The following CDK6 variants were observed in gnomAD, a reference collection of about 807,000 sequenced individuals.
CDK6 encodes the protein cyclin-dependent kinase 6.
A neutral mutation model predicts 37.1 loss-of-function variants in CDK6; 6 were observed. The observed-to-expected ratio is 0.16, with a 90% CI of 0.09 to 0.32. The LOEUF is 0.32. Among genes scored for constraint, CDK6 ranks in the 10% least tolerant of loss-of-function variants. The pLI is 1.00. For synonymous variants in CDK6, 160 were observed against 161.3 expected (o/e 0.99, Z 0.06); for missense variants, 224 against 418.9 (o/e 0.53, Z 4.06).
intron 5 of CDK6, among the ~76,000 whole-genome samples, chr7:92,661,722 T>C (rs555258594): frequency 9.9e-5 from 15 of 151,708 alleles, no homozygotes; most frequent in Non-Finnish European, 2.1e-4. Flanking sequence ...GGTGGCAGAG[T>C]TGGAAGAGCT....
intron 2 of CDK6, among the ~76,000 whole-genome samples, chr7:92,777,070 A>C (rs115672149): frequency 0.017 from 2,535 of 152,130 alleles, 81 homozygotes; most frequent in African/African-American, 0.059. Flanking sequence ...AGCTTGAATT[A>C]CTTTTTGTAT....
chr7:92,796,557 G>A (rs550485435), intron 2 of CDK6, among the ~76,000 whole-genome samples: 19 of 152,044 alleles, frequency 1.2e-4, no homozygotes, highest in African/African-American at 4.1e-4. Flanking sequence ...AAGATATACA[G>A]TCTATTTCCC....
chr7:92,824,769 T>C (rs1801268904), intron 2 of CDK6, among the ~76,000 whole-genome samples: 1 of 152,154 alleles, frequency 6.6e-6, no homozygotes, highest in African/African-American at 2.4e-5. Flanking sequence ...TAATACCTTA[T>C]ATTTGTATAA....
intron 3 of CDK6, among the ~76,000 whole-genome samples, chr7:92,761,918 T>C (rs1799465564): frequency 6.6e-6 from 1 of 152,252 alleles, no homozygotes; most frequent in African/African-American, 2.4e-5. Context: ...GTGTTTTTAT[T>C]AGGATTTTGC....
intron 3 of CDK6, among the ~76,000 whole-genome samples, chr7:92,747,574 C>T (rs1799089674): frequency 6.6e-6 from 1 of 152,194 alleles, no homozygotes; most frequent in Non-Finnish European, 1.5e-5. Flanking sequence ...AAATCTCTGG[C>T]TTCTGCTGGC....
chr7:92,711,434 C>T (rs576884122), intron 4 of CDK6, among the ~76,000 whole-genome samples: 11 of 151,082 alleles, frequency 7.3e-5, no homozygotes, highest in South Asian at 6.3e-4. Context: ...GGGTTGTATA[C>T]AAGTAGCAAA....
At chr7:92,684,917 A>G (rs1248036221) in intron 4 of CDK6, among the ~76,000 whole-genome samples, 9 of 152,180 alleles carry the variant, frequency 5.9e-5, no homozygotes, top group African/African-American at 2.2e-4. Flanking sequence ...GTGCAATTGT[A>G]TGGACTCGAC....
intron 4 of CDK6, among the ~76,000 whole-genome samples, chr7:92,721,501 A>C (rs1251672311): frequency 2.0e-5 from 3 of 152,160 alleles, no homozygotes; most frequent in Admixed American, 2.0e-4. Context: ...TACCATCCAC[A>C]TCTTAATTCT....
chr7:92,663,598 G>A (rs531617090), intron 5 of CDK6, among the ~76,000 whole-genome samples: 88 of 152,024 alleles, frequency 5.8e-4, no homozygotes, highest in African/African-American at 2.0e-3. Context: ...CTACTCAGGA[G>A]GCTGAGGCAG....
intron 2 of CDK6, among the ~76,000 whole-genome samples, chr7:92,823,170 G>A (rs1275373227): frequency 6.6e-6 from 1 of 150,594 alleles, no homozygotes; most frequent in Non-Finnish European, 1.5e-5. Flanking sequence ...CAAAAGTCTA[G>A]TTTTTCTAGG....
chr7:92,753,437 A>C (rs1799234014), intron 3 of CDK6, among the ~76,000 whole-genome samples: 1 of 152,212 alleles, frequency 6.6e-6, no homozygotes, highest in South Asian at 2.1e-4. Context: ...ATTTTGAGAA[A>C]TACTTTTATT....
intron 3 of CDK6, among the ~76,000 whole-genome samples, chr7:92,758,594 T>C (rs1799374100): frequency 1.3e-5 from 2 of 152,176 alleles, no homozygotes; most frequent in African/African-American, 4.8e-5. Context: ...TCTTTTTGCT[T>C]AGGATTGCCT....
At chr7:92,685,969 G>A (rs186279528) in intron 4 of CDK6, among the ~76,000 whole-genome samples, 16 of 152,176 alleles carry the variant, frequency 1.1e-4, no homozygotes. Context: ...ACTCTCCTTT[G>A]TTTGACTAAC....
intron 3 of CDK6, among the ~76,000 whole-genome samples, chr7:92,750,508 T>G (rs151287784): frequency 3.2e-4 from 49 of 152,336 alleles, no homozygotes; most frequent in African/African-American, 1.1e-3. Context: ...CAATTTGGGT[T>G]GCCACTACGC....
chr7:92,709,820 A>G (rs1798046861), intron 4 of CDK6, among the ~76,000 whole-genome samples: 1 of 152,160 alleles, frequency 6.6e-6, no homozygotes, highest in African/African-American at 2.4e-5. Context: ...CTCATACTCA[A>G]AAAGTGTTTG....
At chr7:92,737,523 G>A (rs550410451) in intron 3 of CDK6, among the ~76,000 whole-genome samples, 27 of 152,214 alleles carry the variant, frequency 1.8e-4, no homozygotes, top group South Asian at 4.1e-4. Context: ...GAGATTTCCC[G>A]AAACTGTCCT....
intron 3 of CDK6, among the ~76,000 whole-genome samples, chr7:92,744,197 G>A (rs1799001049): frequency 6.6e-6 from 1 of 152,134 alleles, no homozygotes; most frequent in Non-Finnish European, 1.5e-5. Context: ...ATCAGAGACT[G>A]GGTAACTTAC....
At chr7:92,774,610 G>A (rs2115782764) in intron 3 of CDK6, 86 bp downstream of exon 3, 1 of 1,197,674 alleles carries the variant, frequency 8.3e-7, no homozygotes, top group Non-Finnish European at 1.1e-6. Context: ...TTGTAATTGT[G>A]GCAATTTTCA....
At chr7:92,707,128 T>C (rs1797986466) in intron 4 of CDK6, among the ~76,000 whole-genome samples, 1 of 152,216 alleles carries the variant, frequency 6.6e-6, no homozygotes, top group African/African-American at 2.4e-5. Flanking sequence ...TTTCTTTACC[T>C]GTCTTCATAT....
Sources: allele counts gnomAD v4.1 joint callset (sites outside exome capture counted in the v4.1 genomes callset), GRCh38; gene constraint gnomAD v4.1.1; transcripts MANE v1.5; gene names NCBI Gene and HGNC (gene_info 2026-07-23, HGNC 2026-07-21).